Variants in COL11A1 observed in about 807,000 individuals in gnomAD.
The protein encoded by COL11A1 is collagen alpha-1(XI) chain.
Under a neutral mutation model 265.2 loss-of-function variants are expected in COL11A1, and 74 were observed. The ratio of observed to expected loss-of-function variants is 0.28; its 90% confidence interval spans 0.23 to 0.34. The LOEUF (loss-of-function observed/expected upper bound fraction) is 0.34, where lower values mean the gene tolerates loss of function less well. Among genes scored for constraint, COL11A1 ranks in the 10% least tolerant of loss-of-function variants. The pLI is 1.00. For missense variants in COL11A1, 2,165 were observed against 2,263.6 expected (o/e 0.96, Z 0.88); for synonymous variants, 816 against 727.6 (o/e 1.12, Z -1.96).
chr1:103,088,583 A>G (rs1461179579), intron 1 of COL11A1, among the ~76,000 whole-genome samples: 1 of 152,240 alleles, frequency 6.6e-6, no homozygotes, highest in African/African-American at 2.4e-5. Context: ...TTATTGGAAC[A>G]TAGTCACACC....
At chr1:102,990,842 G>A (rs552660006) in intron 28 of COL11A1, among the ~76,000 whole-genome samples, 1 of 152,156 alleles carries the variant, frequency 6.6e-6, no homozygotes, top group East Asian at 1.9e-4. Context: ...AGACCAGCCT[G>A]GCCAACATGG....
At chr1:102,995,250 A>T (rs1664512691) in intron 28 of COL11A1, among the ~76,000 whole-genome samples, 1 of 152,068 alleles carries the variant, frequency 6.6e-6, no homozygotes, top group South Asian at 2.1e-4. Flanking sequence ...TCTGAATGTC[A>T]TGTTCTTCAG....
chr1:102,932,564 T>C (rs1404920781), intron 46 of COL11A1, among the ~76,000 whole-genome samples: 1 of 152,196 alleles, frequency 6.6e-6, no homozygotes, highest in East Asian at 1.9e-4. Context: ...CTGACAATTA[T>C]GTGTCTTGGA....
At chr1:102,910,914 T>A (rs1169845165) in intron 54 of COL11A1, among the ~76,000 whole-genome samples, 1 of 152,160 alleles carries the variant, frequency 6.6e-6, no homozygotes, top group African/African-American at 2.4e-5. Context: ...TTCCAAGAAG[T>A]ATTTCAACTC....
intron 28 of COL11A1, among the ~76,000 whole-genome samples, chr1:102,990,977 G>A (rs912823136): frequency 8.5e-5 from 13 of 152,082 alleles, no homozygotes; most frequent in Non-Finnish European, 1.6e-4. Context: ...AGGTTGCAGC[G>A]AACCAAGATC....
At chr1:103,080,742 A>G (rs1297450346) in intron 2 of COL11A1, among the ~76,000 whole-genome samples, 5 of 151,888 alleles carry the variant, frequency 3.3e-5, no homozygotes, top group Non-Finnish European at 7.4e-5. Flanking sequence ...ATACAGCCAT[A>G]TAGAAAATAG....
At chr1:102,920,688 G>T (rs191954697) in intron 48 of COL11A1, among the ~76,000 whole-genome samples, 5 of 152,070 alleles carry the variant, frequency 3.3e-5, no homozygotes, top group Non-Finnish European at 7.4e-5. Flanking sequence ...ATTTTGTAGT[G>T]AATCAAAATT....
intron 7 of COL11A1, among the ~76,000 whole-genome samples, chr1:103,024,195 TA>T (rs1257988731): frequency 6.6e-6 from 1 of 152,108 alleles, no homozygotes. Context: ...GGTACAATCA[TA>T]CCTCACTGCA....
At chr1:103,014,197 G>T (rs1197145276) in intron 13 of COL11A1, among the ~76,000 whole-genome samples, 1 of 151,794 alleles carries the variant, frequency 6.6e-6, no homozygotes, top group East Asian at 1.9e-4. Context: ...GGATGTGAAA[G>T]ATAAGGTGCA....
In COL11A1 at chr1:103,005,890, C is replaced by T. The variant is rs1213020085; in HGVS notation, c.1793G>A (p.Gly598Glu). The part of the protein sequence containing the change: ...RGMPGEPGAK[G>E]DRGFDGLPGL... The stretch of plus-strand genomic sequence containing the variant: ...CGGAAGTCCATCAAACCCTCGATCT[C>T]CCTGTAAAACCATCATCATCATCAT... The change falls in exon 18 of 67, where the codon GGA becomes GAA. Residue 598 changes from glycine to glutamate, a missense_variant and splice_region_variant. By Grantham distance (98) the Gly-to-Glu change is moderately conservative (BLOSUM62 -2). Transcript: ENST00000370096. The T allele has an allele frequency of 6.3e-7, 1 of 1,581,088 alleles. No individual in the cohort carries two copies.
At chr1:103,013,318 G>A (rs1666281633) in intron 13 of COL11A1, among the ~76,000 whole-genome samples, 2 of 151,910 alleles carry the variant, frequency 1.3e-5, no homozygotes, top group Admixed American at 6.6e-5. Context: ...TAATCCTTGA[G>A]ATTAAATATC....
intron 57 of COL11A1, among the ~76,000 whole-genome samples, chr1:102,897,441 A>AT (rs66523451): frequency 0.085 from 12,795 of 150,420 alleles, 632 homozygotes; most frequent in Middle Eastern, 0.17. Flanking sequence ...ATAAGAAAAA[A>AT]AAATATATAT....
chr1:102,982,355 C>T (rs1462759841), intron 31 of COL11A1, among the ~76,000 whole-genome samples: 1 of 151,900 alleles, frequency 6.6e-6, no homozygotes, highest in Admixed American at 6.6e-5. Flanking sequence ...AATATTGTGA[C>T]AGATTCCTAT....
In COL11A1 at chr1:103,108,487, A is replaced by G. The variant is rs1674893949; in HGVS notation, c.-309T>C. Reference sequence around the variant, plus strand: ...GAGGGGCTTCCACCAACAAGCTGAGAGTACTGTGTGCCCCTAAAGGCTTCA... The same window carrying G: ...GAGGGGCTTCCACCAACAAGCTGAGGGTACTGTGTGCCCCTAAAGGCTTCA... On this transcript the variant is annotated 5_prime_UTR_variant, in exon 1 of 67. Coordinates refer to ENST00000370096, the MANE Select transcript of COL11A1 (RefSeq NM_001854.4). 1.7e-6 allele frequency: 1 copy of G among 593,238 alleles called. No individual in the cohort carries two copies. The highest frequency in any genetic ancestry group is 3.0e-6 in the Non-Finnish European group (1 of 334,148). The allele number at this position is 593,238 out of a possible 1,614,324, so 36.7% of individuals were successfully genotyped here.
At chr1:102,881,040 C>T (rs1252820482) in intron 65 of COL11A1, among the ~76,000 whole-genome samples, 5 of 151,880 alleles carry the variant, frequency 3.3e-5, no homozygotes, top group African/African-American at 9.7e-5. Context: ...TATAAATAAT[C>T]ATAAATGGAA....
chr1:103,025,726 G>A (rs769122973), intron 6 of COL11A1, 113 bp from the exon 7 acceptor site: 9 of 1,587,596 alleles, frequency 5.7e-6, no homozygotes, highest in Admixed American at 1.7e-5. Flanking sequence ...ATCTAGTTGG[G>A]TTAAGACTAT....
At chr1:103,030,622 T>G (rs1187099470) in intron 5 of COL11A1, among the ~76,000 whole-genome samples, 1 of 151,848 alleles carries the variant, frequency 6.6e-6, no homozygotes, top group African/African-American at 2.4e-5. Context: ...CCATTTCACA[T>G]GCTTTTAAAT....
chr1:102,923,012 C>G (rs185134570), intron 47 of COL11A1, among the ~76,000 whole-genome samples: 1 of 152,106 alleles, frequency 6.6e-6, no homozygotes, highest in Non-Finnish European at 1.5e-5. Flanking sequence ...CTTAGAGAGC[C>G]AGAATCAATA....
chr1:103,049,227 G>A (rs1669576593), intron 4 of COL11A1, among the ~76,000 whole-genome samples: 1 of 152,072 alleles, frequency 6.6e-6, no homozygotes, highest in Non-Finnish European at 1.5e-5. Flanking sequence ...TTATTGTGTG[G>A]GAGTCTAAGT....
Sources: gnomAD v4.1 joint callset for allele counts (sites outside exome capture counted in the v4.1 genomes callset) on GRCh38, gnomAD v4.1.1 for gene constraint, MANE v1.5 for transcripts, NCBI Gene and HGNC (gene_info 2026-07-23, HGNC 2026-07-21) for gene names.